The following THY1 variants were observed in gnomAD, a reference collection of about 807,000 sequenced individuals.
THY1 encodes the protein thy-1 membrane glycoprotein.
Under a neutral mutation model 14.9 loss-of-function variants are expected in THY1, and 10 were observed. That is an observed-to-expected ratio of 0.67 (90% CI 0.41 to 1.14). THY1 has a LOEUF of 1.14. Among genes scored for constraint, THY1 ranks in the 50% most tolerant of loss-of-function variants. The probability of loss-of-function intolerance (pLI) is 0.00; values close to 1 mark genes in which losing one functional copy is unlikely to be tolerated. For missense variants in THY1, 159 were observed against 202.1 expected, an observed-to-expected ratio of 0.79 and a Z score of 1.29; for synonymous variants, 80 against 90.0, an observed-to-expected ratio of 0.89 and a Z score of 0.63.
intron 1 of THY1, chr11:119,421,257 G>A (rs940053172): frequency 4.4e-6 from 1 of 227,184 alleles, no homozygotes; most frequent in Non-Finnish European, 8.5e-6. Context: ...TAAGACCTAT[G>A]AGGGCTGAGG....
Position 119,420,100 on chromosome 11 carries a change from G to C in THY1, c.324C>G (p.His108Gln). ...DEGTYTCALHHSGHSPPISSQ... is the reference protein window; with the variant it reads ...DEGTYTCALHQSGHSPPISSQ... ...AGGAGATGGGTGGGGAATGGCCAGA[G>C]TGGTGGAGTGCACACGTGTAGGTGC... The change falls in exon 3 of 4, where the codon CAC (histidine) becomes CAG (glutamine). Residue 108 changes from histidine to glutamine, a missense_variant. Physicochemically the swap from His to Gln is conservative, Grantham distance 24 (BLOSUM62 0). Transcript: ENST00000284240. 6.2e-7 allele frequency: 1 copy of C among 1,614,256 alleles called. No homozygotes were observed. The highest frequency in any genetic ancestry group is 2.2e-5 in the East Asian group (1 of 44,888).
chr11:119,424,804 A>G (rs1861984510), upstream of THY1: 1 of 152,044 alleles, frequency 6.6e-6, no homozygotes, highest in Admixed American at 6.6e-5. Flanking sequence ...TCTTGTTTGT[A>G]GGATACTTTT....
chr11:119,420,199 G>A lies in THY1; in HGVS notation c.225C>T (p.Arg75=). 6.2e-7 allele frequency: 1 copy of A among 1,614,274 alleles called. No homozygotes were observed. The highest frequency in any genetic ancestry group is 1.3e-5 in the African/African-American group (1 of 75,072). The change falls in exon 3 of 4, where the codon CGC becomes CGT. Residue 75 remains arginine (R), a synonymous_variant. Transcript: ENST00000284240. The part of the protein sequence containing the change: ...GTVGVPEHTY[R]SRTNFTSKYN... The stretch of plus-strand genomic sequence containing the variant: ...ATTTGCTGGTGAAGTTGGTTCGGGA[G>A]CGGTATGTGTGCTCAGGCACCCCCA...
chr11:119,417,422 A>G lies in THY1; in HGVS notation c.*1986T>C, dbSNP rs920525488. On this transcript the variant is annotated 3_prime_UTR_variant, in exon 4 of 4. Transcript: ENST00000284240. ...TTAAGAAAAATGCTCAGAAACAATCATCCTACCCAGTGCTAAATATCAGAT... is the reference window on the plus strand; with the variant it reads ...TTAAGAAAAATGCTCAGAAACAATCGTCCTACCCAGTGCTAAATATCAGAT... 2.6e-5 allele frequency: 4 copies of G among 152,302 alleles called. No individual in the cohort carries two copies. Among genetic ancestry groups the G allele is most frequent in the Admixed American group, 1.3e-4 (2 of 15,296 alleles). The allele number at this position is 152,302 out of a possible 1,614,324, so 9.4% of individuals were successfully genotyped here. A position where few individuals can be genotyped will look rare whatever the true frequency, so the allele number is the denominator to read the frequency against.
At position 119,422,735 on chromosome 11, in the gene THY1, TCTCCCCGCAGTTTCATCCGTCCTC is replaced by T. The variant is rs1861933532; in HGVS notation, c.-25+354_-25+377del. Among the ~76,000 whole-genome samples, 2 of 151,816 alleles carry T rather than the reference TCTCCCCGCAGTTTCATCCGTCCTC, an allele frequency of 1.3e-5. No individual in the cohort carries two copies. The highest frequency in any genetic ancestry group is 4.8e-5 in the African/African-American group (2 of 41,256). ...CCCTCTAGCTCGCCATCCTCCATCCTCTCCCCGCAGTTTCATCCGTCCTCCTCCCCGCCTCTGCGAGCTGGGTTT... is the reference window on the plus strand; with the variant it reads ...CCCTCTAGCTCGCCATCCTCCATCCTCTCCCCGCCTCTGCGAGCTGGGTTT... On this transcript the variant is annotated intron_variant, in intron 1 of 3. Transcript: ENST00000284240. This position sits in a 1 kb window ranked among gnomAD's most constrained non-coding sequence, Gnocchi z 7.0.
upstream of THY1, chr11:119,423,212 G>T (rs1861948466): frequency 4.4e-6 from 2 of 453,384 alleles, no homozygotes; most frequent in Admixed American, 2.4e-5. Context: ...CGGGGATGGA[G>T]GAGAGGGGGA....
Position 119,420,209 on chromosome 11 carries a change from T to C in THY1, c.215A>G (p.His72Arg). The change falls in exon 3 of 4, where the codon CAC (histidine) becomes CGC (arginine). Residue 72 changes from histidine to arginine, a missense_variant. Physicochemically the swap from His to Arg is conservative, Grantham distance 29. Transcript: ENST00000284240. Reference sequence around the variant, plus strand: ...GAAGTTGGTTCGGGAGCGGTATGTGTGCTCAGGCACCCCCACAGTGCCAAA... The same window carrying C: ...GAAGTTGGTTCGGGAGCGGTATGTGCGCTCAGGCACCCCCACAGTGCCAAA... ...VLFGTVGVPE[H>R]TYRSRTNFTS... is the part of the protein sequence containing the mutation. The C allele has an allele frequency of 6.2e-7, 1 of 1,614,268 alleles. No individual in the cohort carries two copies. Among genetic ancestry groups the C allele is most frequent in the Non-Finnish European group, 8.5e-7 (1 of 1,180,042 alleles).
chr11:119,423,410 C>T (rs375256090), upstream of THY1: 16 of 354,698 alleles, frequency 4.5e-5, no homozygotes, highest in Non-Finnish European at 8.4e-5. Flanking sequence ...TTCGGGACCC[C>T]GGGGATCAGG....
chr11:119,420,545 C>G, intron 2 of THY1, 159 bp from the exon 3 acceptor site: 2 of 702,072 alleles, frequency 2.8e-6, no homozygotes, highest in Non-Finnish European at 4.7e-6. Flanking sequence ...CTTTGCAGAC[C>G]CCAGCCTCCC....
In THY1 at chr11:119,419,188, A is replaced by G; in HGVS notation, c.*220T>C. 1.7e-6 allele frequency: 1 copy of G among 583,954 alleles called. No homozygotes were observed. The highest frequency in any genetic ancestry group is 1.9e-5 in the African/African-American group (1 of 53,524). 36.2% of individuals were successfully genotyped at this position (583,954 alleles called of 1,614,324 possible). The stretch of plus-strand genomic sequence containing the variant: ...ACCAGACAGAAGCAGCTCTGGAACA[A>G]AAAGTACAAAAAGACAGCCAGAGGT... On this transcript the variant is annotated 3_prime_UTR_variant, in exon 4 of 4. Coordinates refer to ENST00000284240, the MANE Select transcript of THY1 (RefSeq NM_006288.5).
chr11:119,417,385 G>C lies in THY1; in HGVS notation c.*2023C>G, dbSNP rs77326515. The C allele has an allele frequency of 3.7e-3, 566 of 152,416 alleles. 5 individuals are homozygous for C. Among genetic ancestry groups the C allele is most frequent in the African/African-American group, 0.013 (525 of 41,578 alleles). The allele number at this position is 152,416 out of a possible 1,614,324, so 9.4% of individuals were successfully genotyped here. A position where few individuals can be genotyped will look rare whatever the true frequency, so the allele number is the denominator to read the frequency against. The stretch of plus-strand genomic sequence containing the variant: ...GAGTGGGAGCCGGTGGCATAATTTA[G>C]ATCTGAGGCCTTTAAGAAAAATGCT... On this transcript the variant is annotated 3_prime_UTR_variant, in exon 4 of 4. Transcript: ENST00000284240.
chr11:119,418,671 G>GGATGATGA lies in THY1; in HGVS notation c.*729_*736dup, dbSNP rs1312225429. 1 of 152,730 alleles carries GGATGATGA rather than the reference G, an allele frequency of 6.5e-6. No homozygotes were observed. The highest frequency in any genetic ancestry group is 1.5e-5 in the Non-Finnish European group (1 of 68,498). The allele number at this position is 152,730 out of a possible 1,614,324, so 9.5% of individuals were successfully genotyped here. ...GCTTTTAGCTTCCTTAGGCAGGGAG[G>GGATGATGA]GATGATGAACCCTCATCCTTTACCT... On this transcript the variant is annotated 3_prime_UTR_variant, in exon 4 of 4. Transcript: ENST00000284240.
chr11:119,419,137 GA>G lies in THY1; in HGVS notation c.*270del. ...GCTTCCCTCTTCACGAACTCTCAAAGAAAAGGAAGGATAAAACCTAAATAAA... is the reference window on the plus strand; with the variant it reads ...GCTTCCCTCTTCACGAACTCTCAAAGAAAGGAAGGATAAAACCTAAATAAA... On this transcript the variant is annotated 3_prime_UTR_variant, in exon 4 of 4. Coordinates refer to ENST00000284240, the MANE Select transcript of THY1 (RefSeq NM_006288.5). 4.6e-6 allele frequency: 2 copies of G among 439,474 alleles called. No individual in the cohort carries two copies. The highest frequency in any genetic ancestry group is 2.0e-5 in the African/African-American group (1 of 49,734). 27.2% of individuals were successfully genotyped at this position (439,474 alleles called of 1,614,324 possible).
rs1861884853 is a variant in THY1 at position 119,420,791 on chromosome 11, C to T, written c.37+78G>A. ...CTTTGTCACCTGCGCTTTTCTGAGA[C>T]TGTGAGGGAGAAGCTGCTTCTCTGG... On this transcript the variant is annotated intron_variant, in intron 2 of 3. Transcript: ENST00000284240. 4 of 1,562,350 alleles carry T rather than the reference C, an allele frequency of 2.6e-6. No individual in the cohort carries two copies. The Admixed American group carries it at 6.8e-5, about 27-fold the overall frequency.
At position 119,419,167 on chromosome 11, in the gene THY1, G is replaced by C. The variant is rs879127161; in HGVS notation, c.*241C>G. ...GGAAGGATAAAACCTAAATAAACCA[G>C]ACAGAAGCAGCTCTGGAACAAAAAG... is the stretch of plus-strand genomic sequence containing the variant. On this transcript the variant is annotated 3_prime_UTR_variant, in exon 4 of 4. Coordinates refer to ENST00000284240, the MANE Select transcript of THY1 (RefSeq NM_006288.5). The C allele has an allele frequency of 6.3e-5, 34 of 543,844 alleles. No homozygotes were observed. In the South Asian group the frequency reaches 6.5e-4, roughly 10 times the overall value. The allele number at this position is 543,844 out of a possible 1,614,324, so 33.7% of individuals were successfully genotyped here. A position where few individuals can be genotyped will look rare whatever the true frequency, so the allele number is the denominator to read the frequency against.
chr11:119,420,187 G>A lies in THY1; in HGVS notation c.237C>T (p.Asn79=), dbSNP rs781716442. ...VPEHTYRSRT[N]FTSKYNMKVL... ...CCTTCATGTTGTATTTGCTGGTGAAGTTGGTTCGGGAGCGGTATGTGTGCT... is the reference window on the plus strand; with the variant it reads ...CCTTCATGTTGTATTTGCTGGTGAAATTGGTTCGGGAGCGGTATGTGTGCT... The change falls in exon 3 of 4, where the codon AAC becomes AAT. Residue 79 remains asparagine (N), a synonymous_variant. Transcript: ENST00000284240. 4.3e-6 allele frequency: 7 copies of A among 1,614,282 alleles called. No homozygotes were observed. In the South Asian group the frequency reaches 4.4e-5, roughly 10 times the overall value.
At position 119,422,980 on chromosome 11, in the gene THY1, C is replaced by T; in HGVS notation, c.-25+133G>A. On this transcript the variant is annotated intron_variant, in intron 1 of 3. Coordinates refer to ENST00000284240, the MANE Select transcript of THY1 (RefSeq NM_006288.5). The surrounding 1 kb of genome is among the most constrained non-coding windows in gnomAD (Gnocchi z 7.0). Reference sequence around the variant, plus strand: ...CTCCCGCCCCTGCCTGGAAAGCAGGCCCCTCCCTAAGCTCTGCGCCCTTCT... The same window carrying T: ...CTCCCGCCCCTGCCTGGAAAGCAGGTCCCTCCCTAAGCTCTGCGCCCTTCT... The T allele has an allele frequency of 6.7e-6, 3 of 446,210 alleles. No homozygotes were observed. Among genetic ancestry groups the T allele is most frequent in the South Asian group, 4.7e-5 (3 of 63,858 alleles). 27.6% of individuals were successfully genotyped at this position (446,210 alleles called of 1,614,324 possible).
chr11:119,420,434 G>C, intron 2 of THY1, 48 bp from the exon 3 acceptor site: 1 of 1,528,324 alleles, frequency 6.5e-7, no homozygotes, highest in Non-Finnish European at 8.8e-7. Context: ...TGCGGCACAG[G>C]GGCCTCCCAC....
At chr11:119,423,864 C>G (rs994677916), upstream of THY1, 6 of 152,954 alleles carry the variant, frequency 3.9e-5, no homozygotes, top group African/African-American at 1.2e-4. Flanking sequence ...CTGGTCCAGA[C>G]AGCTGGAAGG....
Sources: gnomAD v4.1 joint callset for allele counts (sites outside exome capture counted in the v4.1 genomes callset) on GRCh38, gnomAD v4.1.1 for gene constraint, Gnocchi (gnomAD v3.1) non-coding constraint, MANE v1.5 for transcripts, NCBI Gene and HGNC (gene_info 2026-07-23, HGNC 2026-07-21) for gene names.